Variants in DNASE1 observed in about 807,000 individuals in gnomAD.
DNASE1 encodes deoxyribonuclease 1.
A neutral mutation model predicts 33.9 loss-of-function variants in DNASE1; 40 were observed. The observed-to-expected ratio is 1.18, with a 90% CI of 0.92 to 1.54. DNASE1 has a LOEUF of 1.54. Ranked by LOEUF, DNASE1 falls within the 40% of genes most tolerant of loss-of-function variation. The pLI, the probability that DNASE1 is intolerant of heterozygous loss-of-function variation, is 0.00. For missense variants in DNASE1, 518 were observed against 372.6 expected (o/e 1.39, Z -3.21); for synonymous variants, 216 against 160.0 (o/e 1.35, Z -2.64).
rs932393983 is a variant in DNASE1 at position 3,655,252 on chromosome 16, C to T, written c.-1-121C>T. ...ACGTTGTAGGAAAGGGTTTCCCCCGCCTGCGTCCCCCTGACCTTGAGCTCC... is the reference window on the plus strand; with the variant it reads ...ACGTTGTAGGAAAGGGTTTCCCCCGTCTGCGTCCCCCTGACCTTGAGCTCC... On this transcript the variant is annotated intron_variant, in intron 1 of 8. Transcript: ENST00000246949. 8.8e-5 allele frequency: 122 copies of T among 1,382,832 alleles called. 1 individual carries two copies. Among genetic ancestry groups the T allele is most frequent in the Middle Eastern group, 7.4e-4 (3 of 4,070 alleles). 85.7% of individuals were successfully genotyped at this position (1,382,832 alleles called of 1,614,324 possible).
rs532531504 is a variant in DNASE1 at position 3,620,188 on chromosome 16, T to A, written c.-1359+8182T>A. ...GCATCGGCTTCCCAAAGCGCTGGGA[T>A]TACAGGCATGAGCCACCTCGCCAGG... is the stretch of plus-strand genomic sequence containing the variant. On this transcript the variant is annotated intron_variant and NMD_transcript_variant, in intron 1 of 11. Transcript: ENST00000570769. 2.0e-5 allele frequency among the ~76,000 whole-genome samples: 3 copies of A among 152,288 alleles called. No homozygotes were observed. The East Asian group carries it at 5.8e-4, about 29-fold the overall frequency.
At chr16:3,615,706 G>C (rs1029689124) in intron 1 of DNASE1, among the ~76,000 whole-genome samples, 1 of 152,208 alleles carries the variant, frequency 6.6e-6, no homozygotes, top group African/African-American at 2.4e-5. Context: ...TAGATGTGCT[G>C]TTTTCCCAGT....
downstream of DNASE1, chr16:3,658,951 AAAGAAGCACAGT>A: frequency 2.2e-6 from 3 of 1,376,428 alleles, no homozygotes; most frequent in South Asian, 1.2e-5. Context: ...CAGGATATTT[AAAGAAGCACAGT>A]AAGACTGTCT....
At chr16:3,633,687 T>A (rs2041774860) in intron 1 of DNASE1, among the ~76,000 whole-genome samples, 2 of 152,150 alleles carry the variant, frequency 1.3e-5, no homozygotes, top group Admixed American at 1.3e-4. Context: ...CACTTTCACC[T>A]GATGCTATAC....
Position 3,643,666 on chromosome 16 carries a change from G to T in DNASE1, c.-86+630G>T, listed in dbSNP as rs151258446. 7.1e-3 allele frequency among the ~76,000 whole-genome samples: 1,084 copies of T among 152,386 alleles called. 14 individuals carry two copies. Among genetic ancestry groups the T allele is most frequent in the South Asian group, 0.026 (124 of 4,832 alleles). On this transcript the variant is annotated intron_variant, in intron 1 of 9. Coordinates refer to the DNASE1 transcript ENST00000407479. The stretch of plus-strand genomic sequence containing the variant: ...ACACTGGGAAAGGGGACCAGGGGAA[G>T]AAAGGTGACAGACCCACAGGAGACT...
At chr16:3,635,952 C>T (rs138761914) in intron 1 of DNASE1, among the ~76,000 whole-genome samples, 2 of 152,100 alleles carry the variant, frequency 1.3e-5, no homozygotes, top group African/African-American at 2.4e-5. Flanking sequence ...CTGTGAGCTC[C>T]CCAGAACTGT....
At chr16:3,656,831 C>T in intron 5 of DNASE1, 78 bp downstream of exon 5, 1 of 1,543,272 alleles carries the variant, frequency 6.5e-7, no homozygotes, top group Non-Finnish European at 8.8e-7. Flanking sequence ...CCTGGAATGC[C>T]TGTGTCACAC....
rs768282770 is a variant in DNASE1, at chr16:3,655,400, GCTGCTGGCA to G, written c.31_39del (p.Leu11_Leu13del). The G allele has an allele frequency of 1.2e-6, 2 of 1,614,116 alleles. No individual in the cohort carries two copies. The highest frequency in any genetic ancestry group is 2.2e-5 in the South Asian group (2 of 91,088). ...TGAGGGGCATGAAGCTGCTGGGGGC[GCTGCTGGCA>G]CTGGCGGCCCTACTGCAGGGGGCCG... On this transcript the variant is annotated inframe_deletion, in exon 2 of 9. Transcript: ENST00000246949.
At position 3,618,420 on chromosome 16, in the gene DNASE1, G is replaced by T. The variant is rs536598603; in HGVS notation, c.-1359+6414G>T. ...TCAGCAATTCCGCTTCTAAGGATAT[G>T]TCCCAAAAAATTGAAAAAGTGTTTA... On this transcript the variant is annotated intron_variant and NMD_transcript_variant, in intron 1 of 11. Coordinates refer to the DNASE1 transcript ENST00000570769. Among the ~76,000 whole-genome samples, 3 of 152,276 alleles carry T rather than the reference G, an allele frequency of 2.0e-5. No individual in the cohort carries two copies. The South Asian group carries it at 6.2e-4, about 32-fold the overall frequency.
chr16:3,664,070 C>CA (rs1014930956), exon 10 of DNASE1: 8 of 570,286 alleles, frequency 1.4e-5, no homozygotes, highest in South Asian at 1.4e-4. Flanking sequence ...CTCAAAAAAA[C>CA]AAAAAACAAA....
In DNASE1 at chr16:3,657,264, G is replaced by C; in HGVS notation, c.627G>C (p.Trp209Cys). 1 of 1,613,980 alleles carries C rather than the reference G, an allele frequency of 6.2e-7. No individual in the cohort carries two copies. Residue 209 changes from tryptophan to cysteine, a missense_variant, in exon 7 of 9, where the codon TGG (tryptophan) becomes TGC (cysteine). Transcript: ENST00000246949. ...CCCAGTGGTCATCCATCCGCCTGTG[G>C]ACAAGCCCCACCTTCCAGTGGCTGA... ...RPSQWSSIRLWTSPTFQWLIP... is the reference protein window; with the variant it reads ...RPSQWSSIRLCTSPTFQWLIP...
upstream of DNASE1, chr16:3,640,708 C>G (rs2042005396): frequency 2.5e-6 from 1 of 398,608 alleles, no homozygotes; most frequent in Non-Finnish European, 4.4e-6. Flanking sequence ...CCTTTTCCTT[C>G]TTTTAGTGAC....
exon 10 of DNASE1, chr16:3,663,461 A>T: frequency 6.2e-7 from 1 of 1,614,082 alleles, no homozygotes; most frequent in South Asian, 1.1e-5. Context: ...CCTTGTAGTG[A>T]TCCACGACTA....
intron 1 of DNASE1, among the ~76,000 whole-genome samples, chr16:3,632,229 G>C (rs2151179123): frequency 6.6e-6 from 1 of 152,268 alleles, no homozygotes. Flanking sequence ...AATTCTGTCT[G>C]GTTGCTTGAT....
exon 10 of DNASE1, chr16:3,664,496 C>T (rs1169893917): frequency 1.9e-6 from 3 of 1,573,948 alleles, no homozygotes; most frequent in Non-Finnish European, 2.6e-6. Context: ...TTATTCCAGG[C>T]CCATGGGCTC....
upstream of DNASE1, among the ~76,000 whole-genome samples, chr16:3,641,764 A>G (rs1702343720): frequency 6.6e-6 from 1 of 151,996 alleles, no homozygotes; most frequent in South Asian, 2.1e-4. Context: ...GGCCTCCCAC[A>G]CCCTGGGTGG....
At chr16:3,656,857 C>T in intron 5 of DNASE1, 104 bp downstream of exon 5, 5 of 1,542,402 alleles carry the variant, frequency 3.2e-6, no homozygotes, top group Non-Finnish European at 4.4e-6. Flanking sequence ...CCTCCCAGTC[C>T]CTGGGGCTTG....
At chr16:3,658,246 A>AGAAACCCATTAT, downstream of DNASE1, 1 of 1,605,142 alleles carries the variant, frequency 6.2e-7, no homozygotes, top group South Asian at 1.1e-5. Flanking sequence ...AGGCAAGAGG[A>AGAAACCCATTAT]GAAACCCATT....
downstream of DNASE1, chr16:3,662,063 G>A (rs1265789549): frequency 2.5e-6 from 4 of 1,613,350 alleles, no homozygotes; most frequent in East Asian, 8.9e-5. Context: ...TGCATGCGCA[G>A]GAAGTGGCGG....
Sources: gnomAD v4.1 joint callset for allele counts (sites outside exome capture counted in the v4.1 genomes callset) on GRCh38, gnomAD v4.1.1 for gene constraint, MANE v1.5 for transcripts, NCBI Gene and HGNC (gene_info 2026-07-23, HGNC 2026-07-21) for gene names.